Variants in HDAC9 observed in about 807,000 individuals in gnomAD.
The protein encoded by HDAC9 is MEF-2 interacting transcription repressor (MITR) protein.
HDAC9 carries 41 observed loss-of-function variants against 139.4 expected under a neutral mutation model. The ratio of observed to expected loss-of-function variants is 0.29; its 90% CI spans 0.23 to 0.38. HDAC9 has a LOEUF of 0.38. Ranked by LOEUF, HDAC9 falls within the 10% of genes least tolerant of loss-of-function variation. The pLI, the probability that HDAC9 is intolerant of heterozygous loss-of-function variation, is 1.00. For missense variants in HDAC9, 1,147 were observed against 1,297.0 expected (o/e 0.88, Z 1.78); for synonymous variants, 517 against 476.2 (o/e 1.09, Z -1.12).
intron 1 of HDAC9, among the ~76,000 whole-genome samples, chr7:18,364,824 A>G (rs17347306): frequency 0.21 from 32,656 of 152,044 alleles, 3,721 homozygotes; most frequent in Admixed American, 0.24. Flanking sequence ...AAAGAGAGAA[A>G]TCAGGTATTG....
At chr7:18,839,819 T>C (rs77372277) in intron 21 of HDAC9, among the ~76,000 whole-genome samples, 6,401 of 152,142 alleles carry the variant, frequency 0.042, 142 homozygotes, top group Middle Eastern at 0.075. Context: ...AGTCCATTGA[T>C]GAGGATTGGG....
intron 6 of HDAC9, among the ~76,000 whole-genome samples, chr7:18,599,407 C>G (rs993677318): frequency 6.6e-6 from 1 of 152,186 alleles, no homozygotes; most frequent in African/African-American, 2.4e-5. Context: ...TCCACCATTA[C>G]AGAATGATAT....
At chr7:18,329,673 T>C (rs966649787) in intron 1 of HDAC9, among the ~76,000 whole-genome samples, 2 of 151,776 alleles carry the variant, frequency 1.3e-5, no homozygotes, top group East Asian at 1.9e-4. Flanking sequence ...GGGGATCAGA[T>C]TGCTCAAGAA....
chr7:18,304,473 C>A (rs760233834), intron 1 of HDAC9, among the ~76,000 whole-genome samples: 2 of 152,114 alleles, frequency 1.3e-5, no homozygotes, highest in Non-Finnish European at 2.9e-5. Context: ...TCTTAGCAAG[C>A]ATCATGGAGC....
chr7:18,828,286 T>C lies in HDAC9; in HGVS notation c.2323-875T>C, dbSNP rs996684160. Reference sequence around the variant, plus strand: ...TAACATGCTCTTTTGAGCATGTTACTTGAACCATAGTTGAGTGAAAGGTGG... The same window carrying C: ...TAACATGCTCTTTTGAGCATGTTACCTGAACCATAGTTGAGTGAAAGGTGG... On this transcript the variant is annotated intron_variant, in intron 17 of 25. Transcript: ENST00000686413. Among the ~76,000 whole-genome samples the C allele has an allele frequency of 1.3e-3, 200 of 152,340 alleles. 5 individuals carry two copies. The highest frequency in any genetic ancestry group is 0.013 in the Admixed American group (200 of 15,308).
intron 2 of HDAC9, among the ~76,000 whole-genome samples, chr7:18,252,009 T>C (rs187094146): frequency 1.1e-4 from 16 of 152,306 alleles, no homozygotes; most frequent in African/African-American, 3.8e-4. Flanking sequence ...TCTATCACTA[T>C]CATGCAAATA....
intron 2 of HDAC9, among the ~76,000 whole-genome samples, chr7:18,263,718 C>T (rs574097482): frequency 6.6e-6 from 1 of 152,052 alleles, no homozygotes; most frequent in South Asian, 2.1e-4. Context: ...CAGCAATTCT[C>T]ATGCCCCAGC....
intron 2 of HDAC9, among the ~76,000 whole-genome samples, chr7:18,247,090 T>C (rs1033615320): frequency 6.6e-6 from 1 of 151,888 alleles, no homozygotes; most frequent in Non-Finnish European, 1.5e-5. Flanking sequence ...AATGCTGTTT[T>C]GGGCAGGTTG....
chr7:18,783,201 C>A (rs1030972311), intron 16 of HDAC9, among the ~76,000 whole-genome samples: 3 of 152,080 alleles, frequency 2.0e-5, no homozygotes, highest in African/African-American at 7.2e-5. Context: ...CTTATTAATA[C>A]AAATTCCTAA....
At chr7:18,625,314 A>T (rs1469586855) in intron 6 of HDAC9, among the ~76,000 whole-genome samples, 3 of 152,026 alleles carry the variant, frequency 2.0e-5, no homozygotes, top group Non-Finnish European at 4.4e-5. Context: ...GGAATCTCTG[A>T]CAGATATTAT....
At chr7:18,355,362 A>G (rs1562909862) in intron 1 of HDAC9, among the ~76,000 whole-genome samples, 1 of 152,162 alleles carries the variant, frequency 6.6e-6, no homozygotes, top group Non-Finnish European at 1.5e-5. Context: ...CATTTTCAAC[A>G]TAGGCTCTTT....
chr7:18,472,013 G>A (rs1033704934), intron 1 of HDAC9, among the ~76,000 whole-genome samples: 6 of 152,166 alleles, frequency 3.9e-5, no homozygotes, highest in Admixed American at 1.3e-4. Flanking sequence ...TGAGGTCCAT[G>A]CTGATTCTTC....
At chr7:18,251,229 CATT>C (rs959590168) in intron 2 of HDAC9, among the ~76,000 whole-genome samples, 4 of 152,068 alleles carry the variant, frequency 2.6e-5, no homozygotes, top group African/African-American at 9.7e-5. Context: ...AGCTGAAAGC[CATT>C]ATTCTCAGCA....
chr7:18,911,148 C>CTT (rs751788140), intron 22 of HDAC9, among the ~76,000 whole-genome samples: 2 of 129,304 alleles, frequency 1.5e-5, no homozygotes, highest in Admixed American at 7.6e-5. Flanking sequence ...TCTGTTCAGG[C>CTT]TTTTTTTTTT....
At chr7:18,561,046 CAG>C (rs1262507682) in intron 2 of HDAC9, among the ~76,000 whole-genome samples, 1 of 152,020 alleles carries the variant, frequency 6.6e-6, no homozygotes, top group East Asian at 1.9e-4. Context: ...CCTTTGGTGT[CAG>C]GGGATAAAAA....
intron 11 of HDAC9, among the ~76,000 whole-genome samples, chr7:18,664,484 C>T (rs1252510208): frequency 6.6e-6 from 1 of 152,106 alleles, no homozygotes; most frequent in Admixed American, 6.6e-5. Context: ...GTATCATCTA[C>T]TTTAACATTA....
At chr7:18,893,811 C>T (rs1439815323) in intron 22 of HDAC9, among the ~76,000 whole-genome samples, 2 of 152,186 alleles carry the variant, frequency 1.3e-5, no homozygotes, top group African/African-American at 4.8e-5. Context: ...TCAGAAATGG[C>T]CTCACTTATA....
intron 17 of HDAC9, among the ~76,000 whole-genome samples, chr7:18,799,038 AAGACACACACACACACAC>A (rs1422871960): frequency 2.0e-3 from 287 of 143,616 alleles, no homozygotes; most frequent in South Asian, 0.015. Context: ...AATGTGCCCT[AAGACACACACACACACAC>A]ACACACACAC....
chr7:18,424,425 A>T (rs1353918341), intron 1 of HDAC9, among the ~76,000 whole-genome samples: 1 of 152,188 alleles, frequency 6.6e-6, no homozygotes, highest in Non-Finnish European at 1.5e-5. Context: ...TAATTATAGG[A>T]CAGTCACTGG....
Sources: gnomAD v4.1 joint callset for allele counts (sites outside exome capture counted in the v4.1 genomes callset) on GRCh38, gnomAD v4.1.1 for gene constraint, MANE v1.5 for transcripts, NCBI Gene and HGNC (gene_info 2026-07-23, HGNC 2026-07-21) for gene names.